The following ALK variants were observed in gnomAD, a reference collection of about 807,000 sequenced individuals.
The protein encoded by ALK is ALK tyrosine kinase receptor.
Under a neutral mutation model 163.1 loss-of-function variants are expected in ALK, and 74 were observed. That is an observed-to-expected ratio of 0.45 (90% CI 0.38 to 0.55). ALK has a LOEUF of 0.55. ALK is among the 20% of genes least tolerant of loss of function. The pLI is 0.00. For missense variants in ALK, 2,063 were observed against 2,105.3 expected, an observed-to-expected ratio of 0.98 and a Z score of 0.39; for synonymous variants, 960 against 843.2, an observed-to-expected ratio of 1.14 and a Z score of -2.40.
intron 8 of ALK, among the ~76,000 whole-genome samples, chr2:29,312,534 T>C (rs202239169): frequency 1.3e-5 from 2 of 152,148 alleles, no homozygotes; most frequent in African/African-American, 4.8e-5. Flanking sequence ...GGCGTGGCTG[T>C]TGGGCTGTGG....
chr2:29,896,470 C>T (rs1667274019), intron 1 of ALK, among the ~76,000 whole-genome samples: 1 of 152,102 alleles, frequency 6.6e-6, no homozygotes, highest in Admixed American at 6.6e-5. Flanking sequence ...TCTAATCTAA[C>T]AGGATTCACA....
chr2:29,408,175 C>T (rs1031409559), intron 4 of ALK, among the ~76,000 whole-genome samples: 3 of 151,500 alleles, frequency 2.0e-5, no homozygotes, highest in African/African-American at 7.3e-5. Context: ...CTCTGCCTCC[C>T]GGGTTCAAGC....
intron 4 of ALK, among the ~76,000 whole-genome samples, chr2:29,505,540 T>C (rs1329992453): frequency 6.6e-6 from 1 of 152,078 alleles, no homozygotes; most frequent in Non-Finnish European, 1.5e-5. Flanking sequence ...GAGTTCTACG[T>C]TAGGCCAGGC....
intron 3 of ALK, among the ~76,000 whole-genome samples, chr2:29,612,691 C>T (rs1440074852): frequency 6.6e-6 from 1 of 152,184 alleles, no homozygotes; most frequent in African/African-American, 2.4e-5. Context: ...ATGGCAACAT[C>T]TCCAGGTAGT....
At chr2:29,423,855 A>G (rs1192259445) in intron 4 of ALK, among the ~76,000 whole-genome samples, 1 of 152,228 alleles carries the variant, frequency 6.6e-6, no homozygotes, top group Non-Finnish European at 1.5e-5. Flanking sequence ...GGGAACACAG[A>G]AAGGAGGAGG....
intron 1 of ALK, among the ~76,000 whole-genome samples, chr2:29,832,240 C>A (rs1001822246): frequency 1.3e-5 from 2 of 152,032 alleles, no homozygotes; most frequent in Non-Finnish European, 2.9e-5. Context: ...GGTGGAGAAC[C>A]CAGAAAGCAG....
At chr2:29,794,912 G>T (rs1572385024) in intron 1 of ALK, among the ~76,000 whole-genome samples, 3 of 152,100 alleles carry the variant, frequency 2.0e-5, no homozygotes, top group African/African-American at 7.2e-5. Context: ...GAAACATGGT[G>T]CTGACAGACT....
At chr2:29,328,022 G>C (rs933306848) in intron 6 of ALK, among the ~76,000 whole-genome samples, 1 of 152,156 alleles carries the variant, frequency 6.6e-6, no homozygotes, top group African/African-American at 2.4e-5. Context: ...CTTGGAAGGC[G>C]AGGGAAGTCT....
intron 1 of ALK, among the ~76,000 whole-genome samples, chr2:29,753,280 T>C (rs902826525): frequency 6.6e-6 from 1 of 152,214 alleles, no homozygotes; most frequent in African/African-American, 2.4e-5. Flanking sequence ...CAAGTGCGAT[T>C]TGATCTGTGC....
At chr2:29,311,631 C>T (rs1363779828) in intron 8 of ALK, among the ~76,000 whole-genome samples, 4 of 152,318 alleles carry the variant, frequency 2.6e-5, no homozygotes, top group African/African-American at 4.8e-5. Context: ...TGAGTGACCT[C>T]GTTGACGGCA....
At chr2:29,336,938 C>T (rs1006100634) in intron 5 of ALK, among the ~76,000 whole-genome samples, 9 of 151,944 alleles carry the variant, frequency 5.9e-5, no homozygotes, top group Non-Finnish European at 1.0e-4. Flanking sequence ...TGAGGGGAGA[C>T]GACACGTGGG....
rs1172945686 is a variant in ALK, at chr2:29,214,836, A to T, written c.3646-755T>A. On this transcript the variant is annotated intron_variant, in intron 23 of 28. Coordinates refer to ENST00000389048, the MANE Select transcript of ALK (RefSeq NM_004304.5). The stretch of plus-strand genomic sequence containing the variant: ...CTCAGCTTCATGCAGTGTCCGAGTC[A>T]CTGTGTTGTTCCATGTTGATTTCAC... Among the ~76,000 whole-genome samples the T allele has an allele frequency of 3.9e-5, 6 of 152,116 alleles. No individual in the cohort carries two copies. The South Asian group carries it at 6.2e-4, about 16-fold the overall frequency.
chr2:29,271,641 C>T (rs948059937), intron 11 of ALK, among the ~76,000 whole-genome samples: 2 of 152,344 alleles, frequency 1.3e-5, no homozygotes, highest in East Asian at 1.9e-4. Context: ...AGACTTGCCC[C>T]GATGGGAGGA....
intron 1 of ALK, among the ~76,000 whole-genome samples, chr2:29,862,496 T>C (rs1009229880): frequency 6.6e-6 from 1 of 152,124 alleles, no homozygotes. Context: ...TTCTATATAC[T>C]AATAATGAAC....
intron 5 of ALK, among the ~76,000 whole-genome samples, chr2:29,363,440 G>A (rs1356815170): frequency 6.6e-6 from 1 of 152,208 alleles, no homozygotes; most frequent in Non-Finnish European, 1.5e-5. Flanking sequence ...CTCCTGACTT[G>A]AAAGTGTAGG....
At chr2:29,638,691 C>A (rs931518405) in intron 3 of ALK, among the ~76,000 whole-genome samples, 9 of 152,122 alleles carry the variant, frequency 5.9e-5, no homozygotes, top group African/African-American at 2.2e-4. Context: ...CTGTTTCTTG[C>A]CCTACAGTTT....
At chr2:29,238,199 A>AT (rs1301037819) in intron 13 of ALK, among the ~76,000 whole-genome samples, 4 of 152,080 alleles carry the variant, frequency 2.6e-5, no homozygotes, top group Non-Finnish European at 5.9e-5. Context: ...ATTATTTTTT[A>AT]TTTATTAATC....
At chr2:29,286,181 T>C (rs556922922) in intron 9 of ALK, among the ~76,000 whole-genome samples, 3 of 152,330 alleles carry the variant, frequency 2.0e-5, no homozygotes, top group African/African-American at 7.2e-5. Context: ...ACCCTGGTCA[T>C]GATCTGTTGG....
chr2:29,784,040 T>C (rs1663924650), intron 1 of ALK, among the ~76,000 whole-genome samples: 1 of 151,718 alleles, frequency 6.6e-6, no homozygotes. Flanking sequence ...AGGAATGCCA[T>C]GATATTAGAT....
Sources: allele counts gnomAD v4.1 joint callset (sites outside exome capture counted in the v4.1 genomes callset), GRCh38; gene constraint gnomAD v4.1.1; transcripts MANE v1.5; gene names NCBI Gene and HGNC (gene_info 2026-07-23, HGNC 2026-07-21).